FRMD6: variants seen among roughly 807,000 people sequenced by gnomAD.
FRMD6 encodes the protein FERM domain-containing protein 6.
Under a neutral mutation model 73.2 loss-of-function variants are expected in FRMD6, and 37 were observed. The observed-to-expected ratio is 0.51, with a 90% CI of 0.39 to 0.66. The LOEUF (loss-of-function observed/expected upper bound fraction) is 0.66, where lower values mean the gene tolerates loss of function less well. FRMD6 is among the 30% of genes least tolerant of loss of function. The pLI is 0.00. For missense variants in FRMD6, 714 were observed against 780.5 expected (o/e 0.91, Z 1.02); for synonymous variants, 273 against 282.2 (o/e 0.97, Z 0.33).
At chr14:51,637,878 ATCT>A (rs1463407686) in intron 2 of FRMD6, 3 of 152,170 alleles carry the variant, frequency 2.0e-5, no homozygotes, top group Non-Finnish European at 4.4e-5. Flanking sequence ...AATTTAACTC[ATCT>A]TCTCTGGATC....
intron 1 of FRMD6, among the ~76,000 whole-genome samples, chr14:51,682,113 A>G (rs1458560648): frequency 6.6e-6 from 1 of 152,114 alleles, no homozygotes; most frequent in African/African-American, 2.4e-5. Context: ...CCTTAAATGA[A>G]TTTTGCATTA....
chr14:51,492,362 C>T (rs550389492), intron 1 of FRMD6, among the ~76,000 whole-genome samples: 8 of 152,172 alleles, frequency 5.3e-5, no homozygotes, highest in Non-Finnish European at 1.2e-4. Context: ...ACAACTCTAA[C>T]CTGTTCCTGT....
chr14:51,723,099 C>CA (rs1486232200), intron 12 of FRMD6, among the ~76,000 whole-genome samples: 67 of 152,364 alleles, frequency 4.4e-4, no homozygotes, highest in African/African-American at 1.6e-3. Flanking sequence ...AACACTGACT[C>CA]ATTAGGCTGC....
At chr14:51,552,183 C>T (rs942739889) in intron 1 of FRMD6, among the ~76,000 whole-genome samples, 3 of 152,014 alleles carry the variant, frequency 2.0e-5, no homozygotes, top group African/African-American at 4.8e-5. Flanking sequence ...ATGAAAAGTT[C>T]ACATGGAAAA....
chr14:51,593,295 T>C (rs180802473), intron 2 of FRMD6, among the ~76,000 whole-genome samples: 71 of 152,334 alleles, frequency 4.7e-4, no homozygotes, highest in African/African-American at 1.6e-3. Context: ...TAGCCTCTAA[T>C]GCAGCCAAAG....
rs367682245 is a variant in FRMD6, at chr14:51,570,125, C to T, written c.-209-223C>T. ...CCACTGCGCCCGGCCCATGAGCCAC[C>T]GTGCCCGGCGGAGAATTTTCTTTTT... On this transcript the variant is annotated intron_variant, in intron 1 of 14. Transcript: ENST00000356218. Among the ~76,000 whole-genome samples, 29 of 152,204 alleles carry T rather than the reference C, an allele frequency of 1.9e-4. No homozygotes were observed. In the South Asian group the frequency reaches 5.8e-3, roughly 30 times the overall value.
At chr14:51,591,604 G>A (rs928116227) in intron 2 of FRMD6, among the ~76,000 whole-genome samples, 71 of 152,062 alleles carry the variant, frequency 4.7e-4, no homozygotes, top group African/African-American at 1.5e-3. Context: ...GTGCAGTGGC[G>A]CAATCTCAGC....
the FRMD6 span, among the ~76,000 whole-genome samples, chr14:51,447,532 A>G: frequency 6.6e-6 from 1 of 152,182 alleles, no homozygotes. Flanking sequence ...CTCAGACTGC[A>G]CCATCTGGAG....
chr14:51,503,626 T>C (rs1468861407), intron 1 of FRMD6, among the ~76,000 whole-genome samples: 1 of 152,078 alleles, frequency 6.6e-6, no homozygotes, highest in African/African-American at 2.4e-5. Flanking sequence ...TTGCCAGTAT[T>C]TTATTGAGGA....
At chr14:51,610,192 C>T (rs530642735) in intron 2 of FRMD6, among the ~76,000 whole-genome samples, 1 of 151,966 alleles carries the variant, frequency 6.6e-6, no homozygotes, top group Non-Finnish European at 1.5e-5. Context: ...CCAATGGACC[C>T]GGGGGTGGGG....
At chr14:51,630,882 T>C (rs952372980) in intron 2 of FRMD6, among the ~76,000 whole-genome samples, 1 of 152,222 alleles carries the variant, frequency 6.6e-6, no homozygotes, top group Non-Finnish European at 1.5e-5. Flanking sequence ...CCAACAATTA[T>C]CTTGTAGTAC....
intron 1 of FRMD6, among the ~76,000 whole-genome samples, chr14:51,660,496 A>C (rs1893140871): frequency 6.6e-6 from 1 of 152,198 alleles, no homozygotes; most frequent in East Asian, 1.9e-4. Flanking sequence ...AAATATTAAA[A>C]GACAACTATG....
At chr14:51,511,516 G>A (rs955043118) in intron 1 of FRMD6, among the ~76,000 whole-genome samples, 2 of 152,140 alleles carry the variant, frequency 1.3e-5, no homozygotes, top group Non-Finnish European at 2.9e-5. Context: ...TCACAACAAA[G>A]GAATGTAAGA....
the FRMD6 span, among the ~76,000 whole-genome samples, chr14:51,448,130 G>A: frequency 6.6e-6 from 1 of 152,082 alleles, no homozygotes; most frequent in African/African-American, 2.4e-5. Flanking sequence ...TAATATATTT[G>A]GGATTTTTTG....
At chr14:51,502,771 A>G (rs944529896) in intron 1 of FRMD6, among the ~76,000 whole-genome samples, 1 of 152,108 alleles carries the variant, frequency 6.6e-6, no homozygotes, top group Admixed American at 6.6e-5. Context: ...AGCAGTGATT[A>G]TATAAATTAC....
At chr14:51,525,388 C>A (rs1304838862) in intron 1 of FRMD6, among the ~76,000 whole-genome samples, 1 of 152,074 alleles carries the variant, frequency 6.6e-6, no homozygotes, top group African/African-American at 2.4e-5. Flanking sequence ...CCTGCCTAAG[C>A]CTCCCGAGTA....
intron 1 of FRMD6, among the ~76,000 whole-genome samples, chr14:51,679,292 A>T (rs1424659613): frequency 6.3e-4 from 2 of 3,152 alleles, no homozygotes; most frequent in South Asian, 0.12. Context: ...ATATAAAAAT[A>T]TACACACGTG....
the FRMD6 span, chr14:51,435,943 T>G: frequency 1.3e-5 from 2 of 157,140 alleles, no homozygotes; most frequent in African/African-American, 4.8e-5. Context: ...TTATTCATAT[T>G]AAGAAAATGC....
chr14:51,519,289 C>T (rs1884814286), intron 1 of FRMD6, among the ~76,000 whole-genome samples: 1 of 151,728 alleles, frequency 6.6e-6, no homozygotes, highest in Non-Finnish European at 1.5e-5. Context: ...CTCGACCTCC[C>T]AAGTAGCTGG....
Sources: gnomAD v4.1 joint callset for allele counts (sites outside exome capture counted in the v4.1 genomes callset) on GRCh38, gnomAD v4.1.1 for gene constraint, MANE v1.5 for transcripts, NCBI Gene and HGNC (gene_info 2026-07-23, HGNC 2026-07-21) for gene names.